The following AKAP1 variants were observed in gnomAD, a reference collection of about 807,000 sequenced individuals.
AKAP1 encodes A-kinase anchoring protein 1.
A neutral mutation model predicts 79.8 loss-of-function variants in AKAP1; 32 were observed. The observed-to-expected ratio is 0.40, with a 90% CI of 0.30 to 0.54. The LOEUF is 0.54. AKAP1 is among the 20% of genes least tolerant of loss of function. The pLI is 0.47. For missense variants in AKAP1, 961 were observed against 1,138.9 expected (o/e 0.84, Z 2.25); for synonymous variants, 416 against 466.7 (o/e 0.89, Z 1.40).
Position 57,111,807 on chromosome 17 carries a change from G to T in AKAP1, c.1858G>T (p.Gly620Cys), listed in dbSNP as rs758821858. Residue 620 changes from glycine to cysteine, a missense_variant, in exon 4 of 11, where the codon GGT (glycine) becomes TGT (cysteine). By Grantham distance (159) the Gly-to-Cys change is radical. Coordinates refer to ENST00000337714, the MANE Select transcript of AKAP1 (RefSeq NM_003488.4). ...WEIEVPKHLV[G>C]RLIGKQGRYV... ...TTTGTCTTTCTGGAAGCACTTAGTCGGTCGGCTAATTGGCAAGCAGGGGCG... is the reference window on the plus strand; with the variant it reads ...TTTGTCTTTCTGGAAGCACTTAGTCTGTCGGCTAATTGGCAAGCAGGGGCG... 1.3e-5 allele frequency: 21 copies of T among 1,613,866 alleles called. No homozygotes were observed. The highest frequency in any genetic ancestry group is 1.5e-5 in the Non-Finnish European group (18 of 1,180,026).
At chr17:57,108,192 G>A (rs1915017748) in intron 2 of AKAP1, 1 of 305,386 alleles carries the variant, frequency 3.3e-6, no homozygotes, top group Admixed American at 5.2e-5. Flanking sequence ...GGGTAGGTTG[G>A]GAATCTTTAT....
chr17:57,120,967 A>G lies in AKAP1; in HGVS notation c.*643A>G, dbSNP rs1388646383. 1 of 152,700 alleles carries G rather than the reference A, an allele frequency of 6.5e-6. No homozygotes were observed. Among genetic ancestry groups the G allele is most frequent in the Non-Finnish European group, 1.5e-5 (1 of 68,074 alleles). The allele number at this position is 152,700 out of a possible 1,614,324, so 9.5% of individuals were successfully genotyped here. The stretch of plus-strand genomic sequence containing the variant: ...CCAAGCCTGGTTGTAATTTGTAACC[A>G]TTTTCTATTTGTGCAAACTCTGTAA... On this transcript the variant is annotated 3_prime_UTR_variant, in exon 11 of 11. Transcript: ENST00000337714.
At chr17:57,094,392 C>G (rs1913964486) in intron 1 of AKAP1, 1 of 152,180 alleles carries the variant, frequency 6.6e-6, no homozygotes, top group African/African-American at 2.4e-5. Flanking sequence ...GGTTTGTGGC[C>G]CACAAGAAGC....
chr17:57,087,183 T>C (rs141927709), intron 1 of AKAP1, among the ~76,000 whole-genome samples: 3 of 152,376 alleles, frequency 2.0e-5, no homozygotes, highest in African/African-American at 7.2e-5. Context: ...TAATAGGCTC[T>C]GTCTTCATGC....
At chr17:57,105,330 G>T in intron 1 of AKAP1, 111 bp from the exon 2 acceptor site, 1 of 1,036,094 alleles carries the variant, frequency 9.7e-7, no homozygotes, top group East Asian at 2.5e-5. Flanking sequence ...CAGGGAAGGC[G>T]GAGGAGATGG....
intron 1 of AKAP1, among the ~76,000 whole-genome samples, chr17:57,089,532 C>T (rs1913655126): frequency 1.3e-5 from 2 of 152,146 alleles, no homozygotes; most frequent in Admixed American, 6.5e-5. Flanking sequence ...TAGCTAGTGG[C>T]TGCCGTCCTG....
rs1567918409 is a variant in AKAP1, at chr17:57,118,368, T to TTTCCTC, written c.2501-12_2501-7dup. The stretch of plus-strand genomic sequence containing the variant: ...TGAGAGCCTAAATGCCGCTTTTCCT[T>TTTCCTC]TTCCTCCTGAAGACGATGACCAGTT... On this transcript the variant is annotated splice_polypyrimidine_tract_variant and intron_variant, in intron 8 of 10. Transcript: ENST00000337714. 2 of 1,613,666 alleles carry TTTCCTC rather than the reference T, an allele frequency of 1.2e-6. No individual in the cohort carries two copies. Among genetic ancestry groups the TTTCCTC allele is most frequent in the South Asian group, 2.2e-5 (2 of 91,064 alleles).
chr17:57,096,287 C>T (rs1914107767), intron 1 of AKAP1: 1 of 152,240 alleles, frequency 6.6e-6, no homozygotes, highest in Admixed American at 6.5e-5. Flanking sequence ...TCAGGGTTTT[C>T]ATTTTGGCCG....
Position 57,086,259 on chromosome 17 carries a change from A to G in AKAP1, c.-25+861A>G. On this transcript the variant is annotated intron_variant, in intron 1 of 10. Coordinates refer to ENST00000337714, the MANE Select transcript of AKAP1 (RefSeq NM_003488.4). The surrounding 1 kb of genome is among the most constrained non-coding windows in gnomAD (Gnocchi z 5.1). ...GTCTGCGATCTGGAGGGACCGCGCC[A>G]GTTTTGGGGTTACGATGTGCTAGGA... 4 of 342,662 alleles carry G rather than the reference A, an allele frequency of 1.2e-5. No homozygotes were observed. The highest frequency in any genetic ancestry group is 8.3e-5 in the South Asian group (4 of 48,078). The allele number at this position is 342,662 out of a possible 1,614,324, so 21.2% of individuals were successfully genotyped here. A position where few individuals can be genotyped will look rare whatever the true frequency, so the allele number is the denominator to read the frequency against.
intron 1 of AKAP1, chr17:57,096,318 G>A (rs1914109776): frequency 6.6e-6 from 1 of 152,270 alleles, no homozygotes; most frequent in South Asian, 2.1e-4. Context: ...TGCCAAGCAG[G>A]TACTCAGACA....
chr17:57,100,168 T>TCC (rs1914402237), intron 1 of AKAP1, among the ~76,000 whole-genome samples: 1 of 152,098 alleles, frequency 6.6e-6, no homozygotes, highest in Non-Finnish European at 1.5e-5. Flanking sequence ...GCTGTTAGGA[T>TCC]TGTTTTTCTT....
At chr17:57,103,601 T>G (rs61131904) in intron 1 of AKAP1, among the ~76,000 whole-genome samples, 1,767 of 152,324 alleles carry the variant, frequency 0.012, 18 homozygotes, top group Middle Eastern at 0.027. Flanking sequence ...TATGAGTTGT[T>G]AAAACATGTG....
intron 5 of AKAP1, 37 bp from the exon 6 acceptor site, chr17:57,114,422 G>T (rs1915449645): frequency 6.2e-7 from 1 of 1,606,820 alleles, no homozygotes; most frequent in African/African-American, 1.3e-5. Flanking sequence ...AGATAAGAAG[G>T]ATTGTTTCAG....
intron 2 of AKAP1, 39 bp downstream of exon 2, chr17:57,107,217 C>A: frequency 1.3e-6 from 2 of 1,539,376 alleles, no homozygotes; most frequent in Non-Finnish European, 1.8e-6. Context: ...ATGGGGCGCT[C>A]CCAGTATTTC....
chr17:57,119,830 C>CCTTTTT (rs558630533), intron 10 of AKAP1, among the ~76,000 whole-genome samples: 1 of 70,290 alleles, frequency 1.4e-5, no homozygotes, highest in African/African-American at 6.6e-5. Context: ...CCCTGTTACT[C>CCTTTTT]TTTTTTTTTT....
intron 6 of AKAP1, among the ~76,000 whole-genome samples, 187 bp from the exon 7 acceptor site, chr17:57,115,924 G>A (rs898522836): frequency 3.3e-5 from 5 of 152,166 alleles, no homozygotes; most frequent in Non-Finnish European, 5.9e-5. Context: ...TCACATCCAG[G>A]TTTTTCCCTC....
rs1915330315 is a variant in AKAP1, at chr17:57,112,734, C to G, written c.2103+116C>G. On this transcript the variant is annotated intron_variant, in intron 5 of 10. Coordinates refer to ENST00000337714, the MANE Select transcript of AKAP1 (RefSeq NM_003488.4). ...GCCAAGTGCACATGAGTGCCTGCGCCCTCTCTTCTCTGGCCTCTGCTGGTC... is the reference window on the plus strand; with the variant it reads ...GCCAAGTGCACATGAGTGCCTGCGCGCTCTCTTCTCTGGCCTCTGCTGGTC... 3.6e-6 allele frequency: 5 copies of G among 1,401,180 alleles called. No homozygotes were observed. The South Asian group carries it at 7.1e-5, about 20-fold the overall frequency. 86.8% of individuals were successfully genotyped at this position (1,401,180 alleles called of 1,614,324 possible).
rs1231696769 is a variant in AKAP1, at chr17:57,086,460, CTTCCTCTCCTGGGGGA to C, written c.-25+1064_-25+1079del. ...ATGGGAGCCCTGGGCGTTTCGGGAT[CTTCCTCTCCTGGGGGA>C]TGTCCTGGGTGGCGGCGCCTTCCTG... On this transcript the variant is annotated intron_variant, in intron 1 of 10. Coordinates refer to ENST00000337714, the MANE Select transcript of AKAP1 (RefSeq NM_003488.4). The surrounding 1 kb of genome is among the most constrained non-coding windows in gnomAD (Gnocchi z 5.1). The C allele has an allele frequency of 2.2e-6, 1 of 456,198 alleles. No homozygotes were observed. The highest frequency in any genetic ancestry group is 4.4e-6 in the Non-Finnish European group (1 of 226,838). 28.3% of individuals were successfully genotyped at this position (456,198 alleles called of 1,614,324 possible).
In AKAP1 at chr17:57,106,487, T is replaced by C; in HGVS notation, c.1023T>C (p.Asn341=). ...LDRNEEGLDR[N]EEIKRAAFQI... Reference sequence around the variant, plus strand: ...GAAATGAGGAGGGCTTGGATAGAAATGAGGAGATTAAGCGGGCTGCCTTCC... The same window carrying C: ...GAAATGAGGAGGGCTTGGATAGAAACGAGGAGATTAAGCGGGCTGCCTTCC... Residue 341 remains asparagine (N), a synonymous_variant, in exon 2 of 11, where the codon AAT becomes AAC. Coordinates refer to ENST00000337714, the MANE Select transcript of AKAP1 (RefSeq NM_003488.4). 6.2e-7 allele frequency: 1 copy of C among 1,613,280 alleles called. No individual in the cohort carries two copies. The highest frequency in any genetic ancestry group is 8.5e-7 in the Non-Finnish European group (1 of 1,179,840).
Sources: allele counts gnomAD v4.1 joint callset (sites outside exome capture counted in the v4.1 genomes callset), GRCh38; gene constraint gnomAD v4.1.1; non-coding constraint Gnocchi (gnomAD v3.1); transcripts MANE v1.5; gene names NCBI Gene and HGNC (gene_info 2026-07-23, HGNC 2026-07-21).